BEST1: variants seen among roughly 807,000 people sequenced by gnomAD.
The protein encoded by BEST1 is bestrophin 1.
In BEST1, 58 loss-of-function variants were observed where a neutral mutation model predicts 63.3. The ratio of observed to expected loss-of-function variants is 0.92; its 90% CI spans 0.74 to 1.14. The LOEUF (loss-of-function observed/expected upper bound fraction) is 1.14, where lower values mean the gene tolerates loss of function less well. Among genes scored for constraint, BEST1 ranks in the 50% most tolerant of loss-of-function variants. BEST1 has a pLI of 0.00. For synonymous variants in BEST1, 283 were observed against 291.6 expected, an observed-to-expected ratio of 0.97 and a Z score of 0.30; for missense variants, 671 against 740.1, an observed-to-expected ratio of 0.91 and a Z score of 1.08.
At position 61,962,798 on chromosome 11, in the gene BEST1, C is replaced by G; in HGVS notation, c.1644C>G (p.Pro548=). The change falls in exon 10 of 11, where the codon CCC becomes CCG. Residue 548 remains proline, a synonymous_variant. Transcript: ENST00000378043. ...EFNLTDMPEI[P]ENHLKEPLEQ... is the part of the protein sequence containing the mutation. ...ACCTGACGGATATGCCAGAGATCCC[C>G]GAAAATCACCTCAAAGAACCTTTGG... 1 of 1,614,172 alleles carries G rather than the reference C, an allele frequency of 6.2e-7. No homozygotes were observed. The highest frequency in any genetic ancestry group is 8.5e-7 in the Non-Finnish European group (1 of 1,180,032).
chr11:61,962,564 G>A lies in BEST1; in HGVS notation c.1410G>A (p.Thr470=), dbSNP rs149698. The A allele has an allele frequency of 0.28, 444,990 of 1,613,940 alleles. 67,852 individuals carry two copies. Among genetic ancestry groups the A allele is most frequent in the Non-Finnish European group, 0.32 (373,937 of 1,179,942 alleles). The change falls in exon 10 of 11, where the codon ACG becomes ACA. Residue 470 remains threonine, a synonymous_variant. Transcript: ENST00000378043. ...CAGGCTACTACAGTGCCCCACAGAC[G>A]CCCCTCAGCCCCACTCCCATGTTCT... ...QRPGYYSAPQ[T]PLSPTPMFFP...
downstream of BEST1, chr11:61,965,355 G>A (rs774906313): frequency 9.3e-6 from 15 of 1,610,178 alleles, no homozygotes; most frequent in South Asian, 1.6e-4. Flanking sequence ...ACACCCCTAG[G>A]ATCTTTTGTT....
At chr11:61,957,699 G>A (rs1186854944) in intron 6 of BEST1, among the ~76,000 whole-genome samples, 1 of 152,138 alleles carries the variant, frequency 6.6e-6, no homozygotes, top group African/African-American at 2.4e-5. Context: ...GAGGTTGGCC[G>A]GGTGCAGTGG....
chr11:61,957,030 G>A lies in BEST1; in HGVS notation c.636+32G>A, dbSNP rs913644904. 5.0e-6 allele frequency: 8 copies of A among 1,613,798 alleles called. No individual in the cohort carries two copies. The South Asian group carries it at 7.7e-5, about 16-fold the overall frequency. On this transcript the variant is annotated intron_variant, in intron 5 of 10. Transcript: ENST00000378043. Reference sequence around the variant, plus strand: ...CCACTGTACAGACAGGGCTGCCGCAGAGTGGGAAGGGCTGTGGTCCACAGG... The same window carrying A: ...CCACTGTACAGACAGGGCTGCCGCAAAGTGGGAAGGGCTGTGGTCCACAGG...
At chr11:61,962,205 G>A (rs1465079736) in intron 9 of BEST1, 50 bp from the exon 10 acceptor site, 2 of 1,601,864 alleles carry the variant, frequency 1.2e-6, no homozygotes, top group Non-Finnish European at 1.7e-6. Context: ...AAGGCCAGGT[G>A]TTGGTCCTTT....
At chr11:61,963,499 A>G (rs1942288719) in intron 10 of BEST1, 2 of 1,058,248 alleles carry the variant, frequency 1.9e-6, no homozygotes, top group South Asian at 7.8e-5. Flanking sequence ...AAAATCAGAT[A>G]TTTCCCTTTA....
intron 3 of BEST1, 182 bp downstream of exon 3, chr11:61,955,383 G>T: frequency 6.8e-7 from 1 of 1,466,296 alleles, no homozygotes; most frequent in Non-Finnish European, 9.0e-7. Flanking sequence ...GAAGTTAGAC[G>T]TTAGGTAAGA....
At position 61,964,363 on chromosome 11, in the gene BEST1, G is replaced by A; in HGVS notation, c.*241G>A. 2.5e-6 allele frequency: 2 copies of A among 796,896 alleles called. No homozygotes were observed. The highest frequency in any genetic ancestry group is 3.9e-6 in the Non-Finnish European group (2 of 517,214). 49.4% of individuals were successfully genotyped at this position (796,896 alleles called of 1,614,324 possible). ...TTGGAAACATTTAACTCAGACTCTGGATTCAGAGTCGGGAACCCTTAGTTC... is the reference window on the plus strand; with the variant it reads ...TTGGAAACATTTAACTCAGACTCTGAATTCAGAGTCGGGAACCCTTAGTTC... On this transcript the variant is annotated 3_prime_UTR_variant, in exon 11 of 11. Transcript: ENST00000378043.
At chr11:61,954,047 A>C (rs1941005552) in intron 2 of BEST1, among the ~76,000 whole-genome samples, 1 of 152,242 alleles carries the variant, frequency 6.6e-6, no homozygotes, top group Non-Finnish European at 1.5e-5. Context: ...CAAATACATA[A>C]AATTCTTAAG....
At position 61,964,182 on chromosome 11, in the gene BEST1, G is replaced by A. The variant is rs542292756; in HGVS notation, c.*60G>A. The A allele has an allele frequency of 1.2e-6, 2 of 1,612,136 alleles. No individual in the cohort carries two copies. Among genetic ancestry groups the A allele is most frequent in the Admixed American group, 3.3e-5 (2 of 59,878 alleles). On this transcript the variant is annotated 3_prime_UTR_variant, in exon 11 of 11. Transcript: ENST00000378043. ...TCCTCACCTGTGTGTACACCAGCAGGACACTGATCCAGTCACAGCCATACA... is the reference window on the plus strand; with the variant it reads ...TCCTCACCTGTGTGTACACCAGCAGAACACTGATCCAGTCACAGCCATACA...
At chr11:61,963,978 G>A in intron 10 of BEST1, 126 bp from the exon 11 acceptor site, 3 of 1,520,368 alleles carry the variant, frequency 2.0e-6, no homozygotes, top group African/African-American at 2.9e-5. Flanking sequence ...GGGCGACGGA[G>A]TGAGACTGTC....
In BEST1 at chr11:61,955,750, T is replaced by G. The variant is rs1941252971; in HGVS notation, c.280T>G (p.Trp94Gly). The change falls in exon 4 of 11, where the codon TGG becomes GGG. Residue 94 changes from tryptophan (W) to glycine (G), a missense_variant. Physicochemically the swap from Trp to Gly is radical, Grantham distance 184. Transcript: ENST00000378043. The part of the protein sequence containing the change: ...FYVTLVVTRW[W>G]NQYENLPWPD... ...CGTGACGCTGGTCGTGACCCGCTGGTGGAACCAGTACGAGAACCTGCCGTG... is the reference window on the plus strand; with the variant it reads ...CGTGACGCTGGTCGTGACCCGCTGGGGGAACCAGTACGAGAACCTGCCGTG... 1 of 1,547,998 alleles carries G rather than the reference T, an allele frequency of 6.5e-7. No individual in the cohort carries two copies. The highest frequency in any genetic ancestry group is 1.4e-5 in the African/African-American group (1 of 72,960).
At chr11:61,958,904 ACATACACACACACACACACG>A (rs1347271779) in intron 7 of BEST1, 362 of 25,756 alleles carry the variant, frequency 0.014, 6 homozygotes, top group South Asian at 0.04. Flanking sequence ...ACACACACAC[ACATACACACACACACACACG>A]CATTCCTATT....
chr11:61,963,403 T>C, intron 10 of BEST1: 2 of 1,216,400 alleles, frequency 1.6e-6, no homozygotes, highest in Non-Finnish European at 2.1e-6. Flanking sequence ...GTTGAGGGTG[T>C]CCAGCGCCCT....
At position 61,951,739 on chromosome 11, in the gene BEST1, A is replaced by G. The variant is rs567459339; in HGVS notation, c.-36-32A>G. On this transcript the variant is annotated intron_variant, in intron 1 of 10. Coordinates refer to ENST00000378043, the MANE Select transcript of BEST1 (RefSeq NM_004183.4). The stretch of plus-strand genomic sequence containing the variant: ...GCTCTGACCAGGGCCTCTGATCCCT[A>G]CAAACCCCCAATCGGTGTCCCTCTC... 3.8e-6 allele frequency: 6 copies of G among 1,598,122 alleles called. No homozygotes were observed. The African/African-American group carries it at 5.3e-5, about 14-fold the overall frequency.
intron 3 of BEST1, 37 bp downstream of exon 3, chr11:61,955,238 G>A (rs755904241): frequency 1.9e-6 from 3 of 1,612,684 alleles, no homozygotes; most frequent in Middle Eastern, 3.3e-4. Context: ...GGTCCCTGTG[G>A]CCGCCCAGGC....
chr11:61,958,122 A>G, intron 6 of BEST1, 24 bp from the exon 7 acceptor site: 1 of 489,554 alleles, frequency 2.0e-6, no homozygotes, highest in South Asian at 2.4e-5. Context: ...GCCCTTTGCT[A>G]CCACATCCTC....
rs1050153324 is a variant in BEST1 at position 61,955,962 on chromosome 11, C to A, written c.481+11C>A. The stretch of plus-strand genomic sequence containing the variant: ...ACCTGGTGCAAGCAGGTGGGCGGAC[C>A]GGGAGCAACGGGGAGGCACCGGGCA... On this transcript the variant is annotated intron_variant, in intron 4 of 10. Transcript: ENST00000378043. 14 of 1,543,064 alleles carry A rather than the reference C, an allele frequency of 9.1e-6. No individual in the cohort carries two copies. In the Admixed American group the frequency reaches 1.2e-4, roughly 13 times the overall value.
At chr11:61,952,050 T>G in intron 2 of BEST1, 92 bp downstream of exon 2, 1 of 1,467,674 alleles carries the variant, frequency 6.8e-7, no homozygotes, top group Non-Finnish European at 9.4e-7. Flanking sequence ...CAGGGGCCAG[T>G]GTACCAGTTC....
Sources: allele counts gnomAD v4.1 joint callset (sites outside exome capture counted in the v4.1 genomes callset), GRCh38; gene constraint gnomAD v4.1.1; transcripts MANE v1.5; gene names NCBI Gene and HGNC (gene_info 2026-07-23, HGNC 2026-07-21).